The following EGFR variants were observed in gnomAD, a reference collection of about 807,000 sequenced individuals.
EGFR encodes avian erythroblastic leukemia viral (v-erb-b) oncogene homolog.
In EGFR, 58 loss-of-function variants were observed where a neutral mutation model predicts 143.0. That is an observed-to-expected ratio of 0.41 (90% confidence interval 0.33 to 0.50). The LOEUF (loss-of-function observed/expected upper bound fraction) is 0.50, where lower values mean the gene tolerates loss of function less well. Among genes scored for constraint, EGFR ranks in the 20% least tolerant of loss-of-function variants. The probability of loss-of-function intolerance (pLI) is 0.39; values close to 1 mark genes in which losing one functional copy is unlikely to be tolerated. For synonymous variants in EGFR, 613 were observed against 594.4 expected (o/e 1.03, Z -0.45); for missense variants, 1,307 against 1,579.0 (o/e 0.83, Z 2.92).
chr7:55,053,412 C>T lies in EGFR; in HGVS notation c.88+34047C>T, dbSNP rs560577751. On this transcript the variant is annotated intron_variant, in intron 1 of 27. Coordinates refer to ENST00000275493, the MANE Select transcript of EGFR (RefSeq NM_005228.5). Reference sequence around the variant, plus strand: ...GATGGGGCCTGGTCTAAGCCAGGGACGTGGGAAATCATTTTCCTGTGGCAA... The same window carrying T: ...GATGGGGCCTGGTCTAAGCCAGGGATGTGGGAAATCATTTTCCTGTGGCAA... Among the ~76,000 whole-genome samples the T allele has an allele frequency of 2.5e-3, 387 of 152,246 alleles. 1 individual carries two copies. Among genetic ancestry groups the T allele is most frequent in the Middle Eastern group, 6.8e-3 (2 of 294 alleles).
intron 18 of EGFR, 151 bp from the exon 19 acceptor site, chr7:55,174,571 C>A (rs577712420): frequency 7.0e-6 from 5 of 716,886 alleles, no homozygotes; most frequent in South Asian, 6.0e-5. Context: ...CGTCACAGCC[C>A]CCAGCAATAT....
At chr7:55,087,047 T>C (rs966890376) in intron 1 of EGFR, among the ~76,000 whole-genome samples, 1 of 152,106 alleles carries the variant, frequency 6.6e-6, no homozygotes, top group Non-Finnish European at 1.5e-5. Flanking sequence ...GGTCAGAGTT[T>C]ACTTAGGCTT....
intron 15 of EGFR, among the ~76,000 whole-genome samples, chr7:55,167,755 G>A (rs1418498721): frequency 6.6e-6 from 1 of 152,154 alleles, no homozygotes. Flanking sequence ...ATTGAGACAT[G>A]ATGATGATTT....
intron 1 of EGFR, among the ~76,000 whole-genome samples, chr7:55,095,795 TACACACAGGC>T (rs1214119178): frequency 7.6e-6 from 1 of 131,242 alleles, no homozygotes; most frequent in Non-Finnish European, 1.6e-5. Flanking sequence ...GACACACAGA[TACACACAGGC>T]ACACACACAG....
At chr7:55,097,273 A>G (rs141325948) in intron 1 of EGFR, among the ~76,000 whole-genome samples, 2 of 152,152 alleles carry the variant, frequency 1.3e-5, no homozygotes, top group African/African-American at 4.8e-5. Context: ...AGCCTCCTCT[A>G]TCCTCCTTGC....
intron 1 of EGFR, among the ~76,000 whole-genome samples, chr7:55,047,949 T>C (rs1181388709): frequency 1.3e-5 from 2 of 152,126 alleles, no homozygotes; most frequent in South Asian, 2.1e-4. Context: ...CAAATGTGAA[T>C]TCAGTTTCAC....
Position 55,207,623 on chromosome 7 carries a change from G to A in EGFR, c.*2006G>A, listed in dbSNP as rs971102532. ...CTCAGTCAGCGGGGAGGTGGAAAGTGCAGGTGCATCAGGGGCACCCTGACC... is the reference window on the plus strand; with the variant it reads ...CTCAGTCAGCGGGGAGGTGGAAAGTACAGGTGCATCAGGGGCACCCTGACC... On this transcript the variant is annotated 3_prime_UTR_variant, in exon 28 of 28. Coordinates refer to ENST00000275493, the MANE Select transcript of EGFR (RefSeq NM_005228.5). 2 of 160,326 alleles carry A rather than the reference G, an allele frequency of 1.2e-5. No individual in the cohort carries two copies. The highest frequency in any genetic ancestry group is 2.4e-5 in the African/African-American group (1 of 41,662). 9.9% of individuals were successfully genotyped at this position (160,326 alleles called of 1,614,324 possible). A position where few individuals can be genotyped will look rare whatever the true frequency, so the allele number is the denominator to read the frequency against.
In EGFR at chr7:55,174,809, G is replaced by A. The variant is rs1786526860; in HGVS notation, c.2272G>A (p.Glu758Lys). 1 of 1,613,926 alleles carries A rather than the reference G, an allele frequency of 6.2e-7. No homozygotes were observed. Among genetic ancestry groups the A allele is most frequent in the Non-Finnish European group, 8.5e-7 (1 of 1,179,824 alleles). The change falls in exon 19 of 28, where the codon GAA (glutamate) becomes AAA (lysine). Residue 758 changes from glutamate (E) to lysine (K), a missense_variant. Coordinates refer to ENST00000275493, the MANE Select transcript of EGFR (RefSeq NM_005228.5). ...REATSPKANK[E>K]ILDEAYVMAS... ...AGCAACATCTCCGAAAGCCAACAAGGAAATCCTCGATGTGAGTTTCTGCTT... is the reference window on the plus strand; with the variant it reads ...AGCAACATCTCCGAAAGCCAACAAGAAAATCCTCGATGTGAGTTTCTGCTT...
chr7:55,093,926 C>T (rs1177020345), intron 1 of EGFR, among the ~76,000 whole-genome samples: 1 of 152,094 alleles, frequency 6.6e-6, no homozygotes, highest in East Asian at 1.9e-4. Flanking sequence ...TGCCAGCAGA[C>T]ACTATGAAAT....
At chr7:55,088,773 T>C (rs1457019945) in intron 1 of EGFR, among the ~76,000 whole-genome samples, 1 of 152,200 alleles carries the variant, frequency 6.6e-6, no homozygotes, top group African/African-American at 2.4e-5. Context: ...ACCAAAATGT[T>C]ATCCAACTCA....
At chr7:55,075,954 T>A (rs747921619) in intron 1 of EGFR, among the ~76,000 whole-genome samples, 7 of 152,186 alleles carry the variant, frequency 4.6e-5, no homozygotes, top group African/African-American at 7.2e-5. Flanking sequence ...AGCAAGCACA[T>A]CGCGTGGAAA....
chr7:55,067,182 C>T (rs1789556383), intron 1 of EGFR, among the ~76,000 whole-genome samples: 1 of 146,090 alleles, frequency 6.8e-6, no homozygotes, highest in African/African-American at 2.8e-5. Context: ...GAGCAAAAGT[C>T]AGAAAGGTCA....
At chr7:55,103,052 GAGAA>G (rs1283461687) in intron 1 of EGFR, among the ~76,000 whole-genome samples, 2 of 152,190 alleles carry the variant, frequency 1.3e-5, no homozygotes, top group African/African-American at 2.4e-5. Context: ...TGGGAAGATG[GAGAA>G]AGATATAAGA....
intron 1 of EGFR, among the ~76,000 whole-genome samples, chr7:55,071,943 A>G (rs901236904): frequency 6.6e-6 from 1 of 152,244 alleles, no homozygotes; most frequent in African/African-American, 2.4e-5. Flanking sequence ...CCAACAGAAG[A>G]CAGCCAATAT....
chr7:55,161,240 TC>T (rs1785682690), intron 12 of EGFR, among the ~76,000 whole-genome samples: 1 of 152,124 alleles, frequency 6.6e-6, no homozygotes, highest in African/African-American at 2.4e-5. Flanking sequence ...GGTGCCTGGC[TC>T]CCACCAGGAG....
chr7:55,125,953 C>T (rs537262692), intron 1 of EGFR, among the ~76,000 whole-genome samples: 1 of 152,124 alleles, frequency 6.6e-6, no homozygotes, highest in Non-Finnish European at 1.5e-5. Flanking sequence ...CTCCATCCCA[C>T]TTCCCCTCAC....
intron 1 of EGFR, among the ~76,000 whole-genome samples, chr7:55,055,965 T>C (rs1016190716): frequency 1.3e-5 from 2 of 152,144 alleles, no homozygotes; most frequent in African/African-American, 4.8e-5. Flanking sequence ...ATCTGGGTAA[T>C]AAGGCATTGG....
intron 15 of EGFR, chr7:55,166,377 T>G: frequency 7.3e-6 from 4 of 548,016 alleles, no homozygotes; most frequent in South Asian, 6.1e-5. Flanking sequence ...TGAATCCATC[T>G]GTATGAGTTG....
chr7:55,135,855 ATAGCCTTCTT>A (rs1296001592), intron 1 of EGFR, among the ~76,000 whole-genome samples: 5 of 152,196 alleles, frequency 3.3e-5, no homozygotes, highest in African/African-American at 1.2e-4. Flanking sequence ...ATTTTTTAAG[ATAGCCTTCTT>A]TAGCCTTCTT....
Sources: allele counts gnomAD v4.1 joint callset (sites outside exome capture counted in the v4.1 genomes callset), GRCh38; gene constraint gnomAD v4.1.1; transcripts MANE v1.5; gene names NCBI Gene and HGNC (gene_info 2026-07-23, HGNC 2026-07-21).